DAGLA: variants seen among roughly 807,000 people sequenced by gnomAD.
DAGLA encodes the protein diacylglycerol lipase-alpha.
DAGLA carries 22 observed loss-of-function variants against 102.6 expected under a neutral mutation model. The observed-to-expected ratio is 0.21, with a 90% CI of 0.15 to 0.31. DAGLA has a LOEUF of 0.31. Among genes scored for constraint, DAGLA ranks in the 10% least tolerant of loss-of-function variants. The pLI is 1.00. For missense variants in DAGLA, 927 were observed against 1,446.6 expected (o/e 0.64, Z 5.83); for synonymous variants, 578 against 628.9 (o/e 0.92, Z 1.21).
At position 61,740,383 on chromosome 11, in the gene DAGLA, G is replaced by C. The variant is rs895609526; in HGVS notation, c.1854-80G>C. The C allele has an allele frequency of 5.8e-6, 9 of 1,550,944 alleles. No individual in the cohort carries two copies. In the Admixed American group the frequency reaches 1.6e-4, roughly 27 times the overall value. The stretch of plus-strand genomic sequence containing the variant: ...TGCCAGCTCTGCTGAGCAGGGCAGA[G>C]AACAGAGCCAGGAGGCCCTGGCACC... On this transcript the variant is annotated intron_variant, in intron 17 of 19. Coordinates refer to ENST00000257215, the MANE Select transcript of DAGLA (RefSeq NM_006133.3).
rs148546438 is a variant in DAGLA, at chr11:61,743,611, C to T, written c.2251C>T (p.Arg751Cys). 1.6e-5 allele frequency: 25 copies of T among 1,582,394 alleles called. No homozygotes were observed. Among genetic ancestry groups the T allele is most frequent in the Admixed American group, 5.3e-5 (3 of 57,132 alleles). Residue 751 changes from arginine (R) to cysteine (C), a missense_variant, in exon 20 of 20, where the codon CGC becomes TGC. This residue lies in a region of DAGLA where 434 missense variants were observed against 503.3 expected (regional missense o/e 0.86). Transcript: ENST00000257215. ...LLSPVVAAAA[R>C]QDPVELLLLS... ...GTCGCCAGTGGTTGCGGCGGCGGCC[C>T]GCCAGGACCCGGTGGAGCTGCTGCT...
chr11:61,717,336 C>T (rs758023739), intron 1 of DAGLA, among the ~76,000 whole-genome samples: 5 of 152,074 alleles, frequency 3.3e-5, no homozygotes, highest in Non-Finnish European at 5.9e-5. Flanking sequence ...TGCAGCCCAC[C>T]CCCAACCCTT....
intron 1 of DAGLA, among the ~76,000 whole-genome samples, chr11:61,705,177 C>T (rs982505190): frequency 2.0e-5 from 3 of 152,246 alleles, no homozygotes; most frequent in Non-Finnish European, 2.9e-5. Flanking sequence ...GCCCCCTCTG[C>T]CCGCCCAATT....
intron 18 of DAGLA, 27 bp downstream of exon 18, chr11:61,740,619 C>A: frequency 6.8e-6 from 11 of 1,610,366 alleles, no homozygotes; most frequent in Non-Finnish European, 9.3e-6. Flanking sequence ...CAGGGTACCA[C>A]CAGGGAATAA....
chr11:61,706,247 C>G (rs538500254), intron 1 of DAGLA, among the ~76,000 whole-genome samples: 4 of 152,300 alleles, frequency 2.6e-5, no homozygotes, highest in Admixed American at 2.6e-4. Context: ...GGCTTTGGAG[C>G]CTTCACCCTT....
At chr11:61,694,044 C>T (rs940153043) in intron 1 of DAGLA, among the ~76,000 whole-genome samples, 1 of 152,218 alleles carries the variant, frequency 6.6e-6, no homozygotes, top group Non-Finnish European at 1.5e-5. Flanking sequence ...AGGATATGCT[C>T]GGAGAGTAAT....
At chr11:61,691,633 C>T (rs1419810197) in intron 1 of DAGLA, among the ~76,000 whole-genome samples, 1 of 152,268 alleles carries the variant, frequency 6.6e-6, no homozygotes, top group East Asian at 1.9e-4. Flanking sequence ...CAGGCTCCAC[C>T]ATGCTCCAGG....
At chr11:61,727,667 T>G (rs1194261875) in intron 6 of DAGLA, among the ~76,000 whole-genome samples, 2 of 152,122 alleles carry the variant, frequency 1.3e-5, no homozygotes, top group African/African-American at 4.8e-5. Flanking sequence ...AGCCTGTGGG[T>G]AGCTGGGGGA....
intron 9 of DAGLA, among the ~76,000 whole-genome samples, chr11:61,733,203 G>A (rs1183977412): frequency 6.6e-6 from 1 of 152,238 alleles, no homozygotes; most frequent in African/African-American, 2.4e-5. Flanking sequence ...CGGTCAGGAA[G>A]TGATACAGCA....
intron 8 of DAGLA, among the ~76,000 whole-genome samples, chr11:61,730,179 G>A (rs1472316394): frequency 6.6e-6 from 1 of 151,946 alleles, no homozygotes; most frequent in Non-Finnish European, 1.5e-5. Flanking sequence ...CACATCCATA[G>A]TAAGTGCCCC....
rs542285789 is a variant in DAGLA at position 61,733,561 on chromosome 11, G to A, written c.975-1288G>A. ...CGTGACAGCTGGCAGGCCCAGTCAC[G>A]TGGGCTCCAGCGTCTGGTGCCTTAG... On this transcript the variant is annotated intron_variant, in intron 9 of 19. Transcript: ENST00000257215. Among the ~76,000 whole-genome samples the A allele has an allele frequency of 3.9e-5, 6 of 152,346 alleles. No individual in the cohort carries two copies. The East Asian group carries it at 9.6e-4, about 24-fold the overall frequency.
At chr11:61,732,262 C>T (rs937226558) in intron 9 of DAGLA, among the ~76,000 whole-genome samples, 1 of 152,208 alleles carries the variant, frequency 6.6e-6, no homozygotes, top group African/African-American at 2.4e-5. Flanking sequence ...ACAGCAGCCA[C>T]ACCCACTCTG....
intron 1 of DAGLA, among the ~76,000 whole-genome samples, chr11:61,689,488 T>C (rs2135549717): frequency 6.6e-6 from 1 of 152,140 alleles, no homozygotes; most frequent in Non-Finnish European, 1.5e-5. Flanking sequence ...CTTGACCTGT[T>C]TGAGCCTCAG....
chr11:61,716,544 A>AG (rs2065237058), intron 1 of DAGLA, among the ~76,000 whole-genome samples: 1 of 594 alleles, frequency 1.7e-3, no homozygotes, highest in Non-Finnish European at 0.017. Flanking sequence ...CTCCAGCCAG[A>AG]GGATTTGTCA....
At chr11:61,696,764 C>T (rs373455249) in intron 1 of DAGLA, among the ~76,000 whole-genome samples, 3 of 152,168 alleles carry the variant, frequency 2.0e-5, no homozygotes, top group East Asian at 1.9e-4. Flanking sequence ...GAGCAGGCAG[C>T]GGCAGGCACT....
At chr11:61,705,023 G>A (rs550747648) in intron 1 of DAGLA, among the ~76,000 whole-genome samples, 1 of 151,814 alleles carries the variant, frequency 6.6e-6, no homozygotes, top group South Asian at 2.1e-4. Context: ...TCGGGACTGG[G>A]CTGAGCTGAG....
chr11:61,721,806 T>C (rs964776302), intron 3 of DAGLA, among the ~76,000 whole-genome samples: 1 of 152,256 alleles, frequency 6.6e-6, no homozygotes, highest in Non-Finnish European at 1.5e-5. Flanking sequence ...GTGGGTGTTA[T>C]TGGTCTCCGT....
chr11:61,743,844 C>T lies in DAGLA; in HGVS notation c.2484C>T (p.Pro828=), dbSNP rs373810848. 2.3e-4 allele frequency: 369 copies of T among 1,612,556 alleles called. 1 individual carries two copies. The highest frequency in any genetic ancestry group is 2.9e-4 in the Non-Finnish European group (339 of 1,179,930). Residue 828 remains proline, a synonymous_variant, in exon 20 of 20, where the codon CCC becomes CCT. Transcript: ENST00000257215. ...TCTTCTACATTGACCCTGCCATCCC[C>T]GAGGAAAACCCATCCCTGAGCTCGC... ...GHLFYIDPAI[P]EENPSLSSRT... is the part of the protein sequence containing the mutation.
At chr11:61,703,184 C>T (rs12290587) in intron 1 of DAGLA, among the ~76,000 whole-genome samples, 4,572 of 152,286 alleles carry the variant, frequency 0.03, 231 homozygotes, top group African/African-American at 0.1. Context: ...ACCTGCCAAA[C>T]CTTTACTCAG....
Sources: gnomAD v4.1 joint callset for allele counts (sites outside exome capture counted in the v4.1 genomes callset) on GRCh38, gnomAD v4.1.1 for gene constraint, gnomAD v4.1.1 regional missense constraint, MANE v1.5 for transcripts, NCBI Gene and HGNC (gene_info 2026-07-23, HGNC 2026-07-21) for gene names.